LEMD1: variants seen among roughly 807,000 people sequenced by gnomAD.
LEMD1 encodes the protein LEM domain-containing protein 1.
In LEMD1, 18 loss-of-function variants were observed where a neutral mutation model predicts 17.4. The observed-to-expected ratio is 1.04, with a 90% CI of 0.72 to 1.54. The LOEUF is 1.54. Ranked by LOEUF, LEMD1 falls within the 40% of genes most tolerant of loss-of-function variation. The pLI is 0.00. For synonymous variants in LEMD1, 88 were observed against 77.8 expected (o/e 1.13, Z -0.69); for missense variants, 195 against 210.4 (o/e 0.93, Z 0.45).
At chr1:205,434,620 C>T (rs751056252) in intron 1 of LEMD1, among the ~76,000 whole-genome samples, 10 of 152,136 alleles carry the variant, frequency 6.6e-5, no homozygotes, top group Non-Finnish European at 1.3e-4. Context: ...GGCATGAGGC[C>T]TGGCTTCCTT....
At chr1:205,387,475 T>C (rs1340697854) in intron 4 of LEMD1, 1 of 152,228 alleles carries the variant, frequency 6.6e-6, no homozygotes, top group Admixed American at 6.5e-5. Flanking sequence ...ATATTTCATC[T>C]TTTAAAAAAT....
At chr1:205,433,113 C>G (rs1435678872) in intron 1 of LEMD1, among the ~76,000 whole-genome samples, 1 of 152,208 alleles carries the variant, frequency 6.6e-6, no homozygotes, top group East Asian at 1.9e-4. Context: ...CCCTGGAGCA[C>G]TTTGCTTGTA....
chr1:205,430,707 C>A (rs11240482), intron 1 of LEMD1, among the ~76,000 whole-genome samples: 86,196 of 152,050 alleles, frequency 0.57, 27,500 homozygotes, highest in East Asian at 0.88. Flanking sequence ...GCCCCAGGAG[C>A]TTCCCACTCA....
At chr1:205,392,347 G>A (rs1292540226) in intron 4 of LEMD1, among the ~76,000 whole-genome samples, 1 of 151,238 alleles carries the variant, frequency 6.6e-6, no homozygotes, top group Non-Finnish European at 1.5e-5. Flanking sequence ...CTGACAGCCT[G>A]CGCAGCAAAG....
chr1:205,427,279 TGTGA>T (rs1666069722), intron 1 of LEMD1, among the ~76,000 whole-genome samples: 1 of 151,962 alleles, frequency 6.6e-6, no homozygotes, highest in Admixed American at 6.6e-5. Flanking sequence ...AAGTGTGAAC[TGTGA>T]GTAAGGCCTC....
intron 1 of LEMD1, among the ~76,000 whole-genome samples, chr1:205,445,831 T>C (rs1265689197): frequency 1.3e-5 from 2 of 152,190 alleles, no homozygotes; most frequent in Non-Finnish European, 1.5e-5. Flanking sequence ...GGTCAAACTT[T>C]AGTGTCAAAC....
chr1:205,383,396 A>G (rs1663819378), intron 5 of LEMD1, among the ~76,000 whole-genome samples: 1 of 151,922 alleles, frequency 6.6e-6, no homozygotes, highest in Non-Finnish European at 1.5e-5. Context: ...TGCCCAGCCA[A>G]CATGTGCTAT....
At chr1:205,433,823 C>A (rs1343676513) in intron 1 of LEMD1, among the ~76,000 whole-genome samples, 2 of 152,066 alleles carry the variant, frequency 1.3e-5, no homozygotes, top group Admixed American at 1.3e-4. Flanking sequence ...AGTCAATCCA[C>A]CGCTCTAAAC....
intron 3 of LEMD1, 101 bp downstream of exon 3, chr1:205,419,129 C>A: frequency 7.2e-7 from 1 of 1,382,154 alleles, no homozygotes; most frequent in South Asian, 1.5e-5. Flanking sequence ...ATGGCTATTT[C>A]ACAGGTCAGG....
intron 4 of LEMD1, among the ~76,000 whole-genome samples, chr1:205,411,695 GAA>G (rs1301752606): frequency 1.4e-5 from 2 of 144,760 alleles, no homozygotes; most frequent in South Asian, 2.3e-4. Context: ...AAGAAAGAAA[GAA>G]AAAGGAAGAA....
intron 1 of LEMD1, chr1:205,437,498 G>C (rs1340129665): frequency 6.6e-6 from 1 of 152,268 alleles, no homozygotes; most frequent in Non-Finnish European, 1.5e-5. Context: ...GCCCTGGCTA[G>C]GGGAAGATTC....
intron 4 of LEMD1, among the ~76,000 whole-genome samples, chr1:205,387,599 G>C (rs1664096164): frequency 6.6e-6 from 1 of 152,180 alleles, no homozygotes; most frequent in Non-Finnish European, 1.5e-5. Flanking sequence ...GCACCCAGGA[G>C]ACACATAATA....
chr1:205,433,746 T>A (rs1037773094), intron 1 of LEMD1, among the ~76,000 whole-genome samples: 2 of 152,220 alleles, frequency 1.3e-5, no homozygotes, highest in African/African-American at 4.8e-5. Flanking sequence ...AAACACTTAG[T>A]GAGCGCTTTG....
intron 1 of LEMD1, among the ~76,000 whole-genome samples, chr1:205,442,265 G>T (rs12403847): frequency 0.75 from 114,531 of 152,054 alleles, 44,146 homozygotes; most frequent in East Asian, 0.99. Context: ...AGGGCTATGC[G>T]GAAGGGGTTT....
At chr1:205,428,801 G>A in intron 1 of LEMD1, among the ~76,000 whole-genome samples, 1 of 152,090 alleles carries the variant, frequency 6.6e-6, no homozygotes, top group East Asian at 1.9e-4. Context: ...TAGATTTGAG[G>A]GAGATTTAGA....
intron 4 of LEMD1, among the ~76,000 whole-genome samples, chr1:205,391,177 A>G (rs1341693737): frequency 6.6e-6 from 1 of 152,200 alleles, no homozygotes; most frequent in African/African-American, 2.4e-5. Context: ...GGACCATTGG[A>G]AAACAGTATT....
intron 1 of LEMD1, among the ~76,000 whole-genome samples, chr1:205,449,712 C>T (rs1322810789): frequency 2.0e-5 from 3 of 152,158 alleles, no homozygotes; most frequent in African/African-American, 4.8e-5. Flanking sequence ...CTGCCCCAGC[C>T]CCAACCCCCT....
At chr1:205,406,794 C>G (rs1293251407) in intron 4 of LEMD1, among the ~76,000 whole-genome samples, 1 of 152,228 alleles carries the variant, frequency 6.6e-6, no homozygotes. Flanking sequence ...ACAGCGTCTT[C>G]TGTGTCGCTC....
chr1:205,425,631 G>C (rs573978564), upstream of LEMD1, among the ~76,000 whole-genome samples: 1 of 152,244 alleles, frequency 6.6e-6, no homozygotes, highest in Non-Finnish European at 1.5e-5. Flanking sequence ...CACTCTCAAG[G>C]AGCAGCCGGT....
Sources: allele counts gnomAD v4.1 joint callset (sites outside exome capture counted in the v4.1 genomes callset), GRCh38; gene constraint gnomAD v4.1.1; transcripts MANE v1.5; gene names NCBI Gene and HGNC (gene_info 2026-07-23, HGNC 2026-07-21).